ASB15: variants seen among roughly 807,000 people sequenced by gnomAD.
ASB15 encodes ankyrin repeat and SOCS box containing 15.
In ASB15, 54 loss-of-function variants were observed where a neutral mutation model predicts 58.0. The ratio of observed to expected loss-of-function variants is 0.93; its 90% CI spans 0.75 to 1.17. ASB15 has a LOEUF of 1.17. Ranked by LOEUF, ASB15 falls within the 50% of genes most tolerant of loss-of-function variation. The pLI, the probability that ASB15 is intolerant of heterozygous loss-of-function variation, is 0.00. For synonymous variants in ASB15, 249 were observed against 262.4 expected (o/e 0.95, Z 0.50); for missense variants, 680 against 707.4 (o/e 0.96, Z 0.44).
chr7:123,637,879 A>G lies in ASB15; in HGVS notation c.*898A>G, dbSNP rs1185486293. On this transcript the variant is annotated 3_prime_UTR_variant, in exon 12 of 12. Coordinates refer to ENST00000451215, the MANE Select transcript of ASB15 (RefSeq NM_001290258.2). ...AATTCAACATGTCCCCAGATGAACTAAAAAAAAAAAAAAAAAAAAAACCTC... is the reference window on the plus strand; with the variant it reads ...AATTCAACATGTCCCCAGATGAACTGAAAAAAAAAAAAAAAAAAAAACCTC... 1.5e-5 allele frequency: 1 copy of G among 64,966 alleles called. No individual in the cohort carries two copies. The highest frequency in any genetic ancestry group is 9.5e-5 in the African/African-American group (1 of 10,582). The allele number at this position is 64,966 out of a possible 1,614,324, so 4.0% of individuals were successfully genotyped here.
chr7:123,581,914 T>A (rs1263772863), intron 1 of ASB15, among the ~76,000 whole-genome samples: 1 of 152,052 alleles, frequency 6.6e-6, no homozygotes, highest in Non-Finnish European at 1.5e-5. Context: ...ATGAACTTTT[T>A]AGGTAAAGCA....
At chr7:123,634,021 T>G (rs1295990875) in intron 11 of ASB15, among the ~76,000 whole-genome samples, 1 of 152,112 alleles carries the variant, frequency 6.6e-6, no homozygotes, top group Non-Finnish European at 1.5e-5. Flanking sequence ...GATTGGTGGG[T>G]TTTTTTCTGT....
At chr7:123,614,282 G>T in intron 3 of ASB15, 1 of 438,676 alleles carries the variant, frequency 2.3e-6, no homozygotes, top group Non-Finnish European at 4.0e-6. Context: ...AATGCTCAAA[G>T]GGCAGGTCAT....
At chr7:123,614,155 C>T (rs961123106) in intron 3 of ASB15, 3 of 234,938 alleles carry the variant, frequency 1.3e-5, no homozygotes, top group African/African-American at 4.7e-5. Flanking sequence ...ACACACTCTC[C>T]AAGAAAACTG....
At chr7:123,612,441 T>C (rs1800519162) in intron 3 of ASB15, 1 of 151,658 alleles carries the variant, frequency 6.6e-6, no homozygotes. Context: ...AATGAATGAG[T>C]ATAAACCCAG....
chr7:123,586,563 C>T (rs530416079), intron 1 of ASB15, among the ~76,000 whole-genome samples: 7 of 151,586 alleles, frequency 4.6e-5, no homozygotes, highest in South Asian at 2.1e-4. Context: ...ATTTGATTTG[C>T]TTGTACTTGT....
intron 1 of ASB15, among the ~76,000 whole-genome samples, chr7:123,593,170 CA>C (rs1413104005): frequency 1.3e-5 from 2 of 152,068 alleles, no homozygotes; most frequent in African/African-American, 2.4e-5. Context: ...TGTGTCTTTG[CA>C]TGTGAGATGG....
intron 9 of ASB15, among the ~76,000 whole-genome samples, chr7:123,628,012 C>T (rs1477429551): frequency 6.6e-6 from 1 of 152,200 alleles, no homozygotes; most frequent in Non-Finnish European, 1.5e-5. Flanking sequence ...GATTTACTCC[C>T]AGTGTTCATA....
chr7:123,574,208 C>CTT (rs77390713), intron 1 of ASB15, among the ~76,000 whole-genome samples: 1 of 142,406 alleles, frequency 7.0e-6, no homozygotes, highest in African/African-American at 2.6e-5. Flanking sequence ...CTTTTTTTTT[C>CTT]TTTTTTTTTT....
chr7:123,617,364 C>A (rs1800887180), intron 6 of ASB15, among the ~76,000 whole-genome samples: 1 of 151,854 alleles, frequency 6.6e-6, no homozygotes, highest in Non-Finnish European at 1.5e-5. Flanking sequence ...CAGCTAGAAA[C>A]AGATTTTTGG....
At chr7:123,617,410 G>T (rs1800890287) in intron 6 of ASB15, among the ~76,000 whole-genome samples, 169 bp from the exon 7 acceptor site, 1 of 152,140 alleles carries the variant, frequency 6.6e-6, no homozygotes, top group African/African-American at 2.4e-5. Context: ...AAGTCCATGT[G>T]CATCTACTTT....
Position 123,629,299 on chromosome 7 carries a change from G to A in ASB15, c.1305G>A (p.Leu435=). Residue 435 remains leucine (L), a synonymous_variant, in exon 10 of 12, where the codon TTG becomes TTA. Coordinates refer to ENST00000451215, the MANE Select transcript of ASB15 (RefSeq NM_001290258.2). ...ALNDEVMLRL[L]LNNGYQVEMC... Reference sequence around the variant, plus strand: ...ACGACGAGGTAATGCTGAGGCTATTGCTGAATAATGGCTATCAAGTGGAGA... The same window carrying A: ...ACGACGAGGTAATGCTGAGGCTATTACTGAATAATGGCTATCAAGTGGAGA... 6.2e-7 allele frequency: 1 copy of A among 1,614,098 alleles called. No homozygotes were observed. The highest frequency in any genetic ancestry group is 8.5e-7 in the Non-Finnish European group (1 of 1,179,986).
At chr7:123,620,554 A>AT (rs869298878) in intron 7 of ASB15, among the ~76,000 whole-genome samples, 1 of 10,056 alleles carries the variant, frequency 9.9e-5, no homozygotes, top group Non-Finnish European at 1.7e-4. Flanking sequence ...ATATATATAT[A>AT]TTTTTTTTTT....
At chr7:123,604,560 T>C (rs562503121) in intron 2 of ASB15, among the ~76,000 whole-genome samples, 2 of 150,686 alleles carry the variant, frequency 1.3e-5, no homozygotes, top group Admixed American at 6.6e-5. Flanking sequence ...CCAGCTTGGT[T>C]GACAGAAGGA....
At chr7:123,610,737 T>A (rs766783958) in intron 3 of ASB15, among the ~76,000 whole-genome samples, 6 of 152,304 alleles carry the variant, frequency 3.9e-5, no homozygotes, top group Non-Finnish European at 8.8e-5. Flanking sequence ...GATTGTACAA[T>A]ATGATTGCAT....
At chr7:123,636,217 C>T (rs1802419432) in intron 11 of ASB15, among the ~76,000 whole-genome samples, 1 of 152,114 alleles carries the variant, frequency 6.6e-6, no homozygotes, top group African/African-American at 2.4e-5. Flanking sequence ...TTCATTCATT[C>T]ATATTGCTGC....
chr7:123,571,156 G>A (rs1798898352), intron 1 of ASB15, among the ~76,000 whole-genome samples: 1 of 152,176 alleles, frequency 6.6e-6, no homozygotes, highest in South Asian at 2.1e-4. Flanking sequence ...AAATACAATT[G>A]AGAAGCACCA....
intron 1 of ASB15, among the ~76,000 whole-genome samples, chr7:123,583,938 C>T (rs1422551442): frequency 2.0e-5 from 3 of 151,888 alleles, no homozygotes; most frequent in Admixed American, 6.6e-5. Flanking sequence ...TTGATACAGT[C>T]GATCACTCCT....
chr7:123,593,232 C>T (rs1799593685), intron 1 of ASB15, among the ~76,000 whole-genome samples: 1 of 152,026 alleles, frequency 6.6e-6, no homozygotes, highest in African/African-American at 2.4e-5. Flanking sequence ...TCCAATTTGC[C>T]AGTCTGTGTC....
Sources: allele counts gnomAD v4.1 joint callset (sites outside exome capture counted in the v4.1 genomes callset), GRCh38; gene constraint gnomAD v4.1.1; transcripts MANE v1.5; gene names NCBI Gene and HGNC (gene_info 2026-07-23, HGNC 2026-07-21).